Variants in ALDH3B1 observed in about 807,000 individuals in gnomAD.
ALDH3B1 encodes the protein aldehyde dehydrogenase family 3 member B1.
Under a neutral mutation model 46.2 loss-of-function variants are expected in ALDH3B1, and 37 were observed. The ratio of observed to expected loss-of-function variants is 0.80; its 90% CI spans 0.62 to 1.05. The LOEUF (loss-of-function observed/expected upper bound fraction) is 1.05. ALDH3B1 is among the 50% of genes least tolerant of loss of function. ALDH3B1 has a pLI of 0.00. For synonymous variants in ALDH3B1, 283 were observed against 281.0 expected (o/e 1.01, Z -0.07); for missense variants, 603 against 665.5 (o/e 0.91, Z 1.03).
In ALDH3B1 at chr11:68,029,078, A is replaced by T. The variant is rs1001452655; in HGVS notation, c.*1139A>T. ...CTGGCCCAATTTCCTAACAAGCCGG[A>T]TGCTTGAGAAACCTACATTTGGACA... On this transcript the variant is annotated 3_prime_UTR_variant, in exon 10 of 10. Transcript: ENST00000342456. 1 of 152,256 alleles carries T rather than the reference A, an allele frequency of 6.6e-6. No individual in the cohort carries two copies. Among genetic ancestry groups the T allele is most frequent in the Non-Finnish European group, 1.5e-5 (1 of 68,056 alleles). The allele number at this position is 152,256 out of a possible 1,614,324, so 9.4% of individuals were successfully genotyped here.
intron 6 of ALDH3B1, 74 bp downstream of exon 6, chr11:68,019,870 T>C: frequency 2.7e-6 from 4 of 1,477,176 alleles, no homozygotes; most frequent in Admixed American, 1.7e-5. Context: ...TCCCTAACTC[T>C]GGGAGTCCAC....
intron 9 of ALDH3B1, 34 bp from the exon 10 acceptor site, chr11:68,027,715 C>A (rs1314782925): frequency 1.3e-6 from 2 of 1,547,564 alleles, no homozygotes; most frequent in South Asian, 1.2e-5. Flanking sequence ...AGACCCCCAG[C>A]GCCTGACCAC....
chr11:68,013,045 C>A (rs1255061498), intron 1 of ALDH3B1, among the ~76,000 whole-genome samples: 1 of 152,144 alleles, frequency 6.6e-6, no homozygotes, highest in Admixed American at 6.5e-5. Context: ...TGGGGGACCC[C>A]AGCCCAGTGC....
At position 68,028,295 on chromosome 11, in the gene ALDH3B1, G is replaced by C; in HGVS notation, c.*356G>C. ...CGAGGGGCCCTGGCATCTGACTCAG[G>C]CCACACCATGGAATCACTGCATCCA... is the stretch of plus-strand genomic sequence containing the variant. On this transcript the variant is annotated 3_prime_UTR_variant, in exon 10 of 10. Transcript: ENST00000342456. The C allele has an allele frequency of 2.3e-6, 1 of 429,044 alleles. No homozygotes were observed. Among genetic ancestry groups the C allele is most frequent in the Non-Finnish European group, 4.5e-6 (1 of 221,856 alleles). The allele number at this position is 429,044 out of a possible 1,614,324, so 26.6% of individuals were successfully genotyped here. A position where few individuals can be genotyped will look rare whatever the true frequency, so the allele number is the denominator to read the frequency against.
chr11:68,026,561 C>T (rs1011011334), intron 9 of ALDH3B1, among the ~76,000 whole-genome samples: 10 of 152,014 alleles, frequency 6.6e-5, no homozygotes, highest in African/African-American at 1.9e-4. Flanking sequence ...CTGAGAGGCC[C>T]GGATGAGTGC....
chr11:68,019,163 C>T lies in ALDH3B1; in HGVS notation c.395-7C>T. Reference sequence around the variant, plus strand: ...TCCTCCAGCTCTCTCCCTGCACTGCCCTGCAGGGAACTGTGTGGTGCTGAA... The same window carrying T: ...TCCTCCAGCTCTCTCCCTGCACTGCTCTGCAGGGAACTGTGTGGTGCTGAA... On this transcript the variant is annotated splice_region_variant and splice_polypyrimidine_tract_variant and intron_variant, in intron 4 of 9. Transcript: ENST00000342456. The T allele has an allele frequency of 6.2e-7, 1 of 1,610,708 alleles. No homozygotes were observed. The highest frequency in any genetic ancestry group is 8.5e-7 in the Non-Finnish European group (1 of 1,178,432).
intron 8 of ALDH3B1, chr11:68,024,708 C>T (rs768007917): frequency 6.6e-6 from 1 of 152,184 alleles, no homozygotes; most frequent in African/African-American, 2.4e-5. Context: ...TCTTCATCTA[C>T]GAAGCATAGT....
chr11:68,011,004 T>G (rs1428734763), intron 1 of ALDH3B1, among the ~76,000 whole-genome samples: 1 of 152,148 alleles, frequency 6.6e-6, no homozygotes, highest in Non-Finnish European at 1.5e-5. Flanking sequence ...CGGGGCTGGG[T>G]TGGCCCGAGC....
At chr11:68,019,912 C>A in intron 6 of ALDH3B1, 116 bp downstream of exon 6, 3 of 1,092,322 alleles carry the variant, frequency 2.7e-6, no homozygotes, top group Non-Finnish European at 4.0e-6. Context: ...CTCTCTCTCT[C>A]TGGACCAGGC....
chr11:68,017,348 C>A (rs936405313), intron 2 of ALDH3B1: 1 of 152,470 alleles, frequency 6.6e-6, no homozygotes, highest in Non-Finnish European at 1.5e-5. Context: ...TCAGCTGTAG[C>A]CCTGGCCTTG....
rs184724852 is a variant in ALDH3B1 at position 68,025,924 on chromosome 11, C to T, written c.1117-85C>T. 5.8e-5 allele frequency: 57 copies of T among 978,928 alleles called. No homozygotes were observed. In the African/African-American group the frequency reaches 9.1e-4, roughly 16 times the overall value. The allele number at this position is 978,928 out of a possible 1,614,324, so 60.6% of individuals were successfully genotyped here. A position where few individuals can be genotyped will look rare whatever the true frequency, so the allele number is the denominator to read the frequency against. On this transcript the variant is annotated intron_variant, in intron 8 of 9. Transcript: ENST00000342456. ...CCTTTCTGAGGCAAGATCAGTGTCACAGAGTCCAGCATGGAACAGGCTCTG... is the reference window on the plus strand; with the variant it reads ...CCTTTCTGAGGCAAGATCAGTGTCATAGAGTCCAGCATGGAACAGGCTCTG...
At chr11:68,018,146 A>G (rs1857390368) in intron 2 of ALDH3B1, 1 of 199,432 alleles carries the variant, frequency 5.0e-6, no homozygotes, top group Non-Finnish European at 1.0e-5. Context: ...GCTTTGTAAA[A>G]ACAGCACACA....
Position 68,019,812 on chromosome 11 carries a change from G to C in ALDH3B1, c.562+16G>C. 6.2e-7 allele frequency: 1 copy of C among 1,613,480 alleles called. No individual in the cohort carries two copies. Among genetic ancestry groups the C allele is most frequent in the African/African-American group, 1.3e-5 (1 of 75,062 alleles). ...TTCTTCACAGGTGAGGCCGGGACGAGGGTCGGGACAGGCTGGGGTCGGGGA... is the reference window on the plus strand; with the variant it reads ...TTCTTCACAGGTGAGGCCGGGACGACGGTCGGGACAGGCTGGGGTCGGGGA... On this transcript the variant is annotated intron_variant, in intron 6 of 9. Coordinates refer to ENST00000342456, the MANE Select transcript of ALDH3B1 (RefSeq NM_000694.4).
chr11:68,019,618 G>C lies in ALDH3B1; in HGVS notation c.481-97G>C, dbSNP rs1316454159. On this transcript the variant is annotated intron_variant, in intron 5 of 9. Transcript: ENST00000342456. ...GAGCCCTGGCTGGGTCAGGCCAGGCGGGGTGGAGGCAGGGCAGGGTCCAGG... is the reference window on the plus strand; with the variant it reads ...GAGCCCTGGCTGGGTCAGGCCAGGCCGGGTGGAGGCAGGGCAGGGTCCAGG... 1.0e-5 allele frequency: 14 copies of C among 1,359,846 alleles called. No individual in the cohort carries two copies. The East Asian group carries it at 2.5e-4, about 25-fold the overall frequency. The allele number at this position is 1,359,846 out of a possible 1,614,324, so 84.2% of individuals were successfully genotyped here.
At position 68,023,755 on chromosome 11, in the gene ALDH3B1, G is replaced by A. The variant is rs78709514; in HGVS notation, c.1116+994G>A. Among the ~76,000 whole-genome samples, 1,450 of 152,100 alleles carry A rather than the reference G, an allele frequency of 9.5e-3. 22 individuals are homozygous for A. The highest frequency in any genetic ancestry group is 0.033 in the African/African-American group (1,389 of 41,486). On this transcript the variant is annotated intron_variant, in intron 8 of 9. Coordinates refer to ENST00000342456, the MANE Select transcript of ALDH3B1 (RefSeq NM_000694.4). The stretch of plus-strand genomic sequence containing the variant: ...GATGGGTCAAAACTAAAAAAGTGAT[G>A]GCAGGGCTGGGCGCGGTGGCTCACA...
intron 1 of ALDH3B1, among the ~76,000 whole-genome samples, chr11:68,014,558 C>T (rs745646770): frequency 2.0e-5 from 3 of 152,124 alleles, no homozygotes; most frequent in Non-Finnish European, 4.4e-5. Flanking sequence ...GAGGCAGGAA[C>T]GCCCTCTCCC....
chr11:68,015,007 C>A, intron 1 of ALDH3B1: 1 of 348,602 alleles, frequency 2.9e-6, no homozygotes, highest in Non-Finnish European at 5.2e-6. Flanking sequence ...CAGCTGTCCC[C>A]AAGCCCACAC....
At chr11:68,021,089 C>T (rs1432554810) in intron 6 of ALDH3B1, among the ~76,000 whole-genome samples, 1 of 152,216 alleles carries the variant, frequency 6.6e-6, no homozygotes, top group Non-Finnish European at 1.5e-5. Context: ...CAGAGCTGGA[C>T]TCCATCCTTG....
At chr11:68,016,979 CCT>C (rs903294780) in intron 2 of ALDH3B1, 5 of 152,404 alleles carry the variant, frequency 3.3e-5, no homozygotes, top group Non-Finnish European at 5.9e-5. Flanking sequence ...TGGTCACCCC[CCT>C]GTCCCCACCC....
Sources: allele counts gnomAD v4.1 joint callset (sites outside exome capture counted in the v4.1 genomes callset), GRCh38; gene constraint gnomAD v4.1.1; transcripts MANE v1.5; gene names NCBI Gene and HGNC (gene_info 2026-07-23, HGNC 2026-07-21).